Variants in PRKN observed in about 807,000 individuals in gnomAD.
The protein encoded by PRKN is parkin RBR E3 ubiquitin protein ligase, also known as E3 ubiquitin-protein ligase parkin.
Under a neutral mutation model 59.5 loss-of-function variants are expected in PRKN, and 56 were observed. The ratio of observed to expected loss-of-function variants is 0.94; its 90% CI spans 0.76 to 1.18. The LOEUF (loss-of-function observed/expected upper bound fraction) is 1.18. Ranked by LOEUF, PRKN falls within the 50% of genes most tolerant of loss-of-function variation. The pLI, the probability that PRKN is intolerant of heterozygous loss-of-function variation, is 0.00. For synonymous variants in PRKN, 250 were observed against 222.1 expected, an observed-to-expected ratio of 1.13 and a Z score of -1.12; for missense variants, 657 against 596.4, an observed-to-expected ratio of 1.10 and a Z score of -1.06.
chr6:161,688,567 G>T (rs1420826008), intron 7 of PRKN, among the ~76,000 whole-genome samples: 2 of 152,160 alleles, frequency 1.3e-5, no homozygotes, highest in Admixed American at 6.5e-5. Context: ...TTGTTTCCAT[G>T]GGACTTTTCT....
Position 161,361,308 on chromosome 6 carries a change from T to A in PRKN, c.1168-1103A>T, listed in dbSNP as rs553692097. ...TGCATTTAATAGTTTCTTTAGGAAT[T>A]AGTGTTCATGTTTCTGTTATTTCTG... On this transcript the variant is annotated intron_variant, in intron 10 of 11. Transcript: ENST00000366898. This position sits in a 1 kb window ranked among gnomAD's most constrained non-coding sequence, Gnocchi z 5.2. 6.6e-6 allele frequency among the ~76,000 whole-genome samples: 1 copy of A among 152,330 alleles called. No homozygotes were observed. The highest frequency in any genetic ancestry group is 1.9e-4 in the East Asian group (1 of 5,180).
At chr6:162,114,506 GCT>G (rs1780581681) in intron 4 of PRKN, among the ~76,000 whole-genome samples, 1 of 151,586 alleles carries the variant, frequency 6.6e-6, no homozygotes, top group Admixed American at 6.6e-5. Flanking sequence ...TCATGATTTG[GCT>G]CTCTGTTTGT....
intron 7 of PRKN, among the ~76,000 whole-genome samples, chr6:161,765,087 C>A (rs1789366342): frequency 6.6e-6 from 1 of 152,228 alleles, no homozygotes; most frequent in South Asian, 2.1e-4. Flanking sequence ...ACTTCAGCCT[C>A]ATTTCAGTCT....
At chr6:161,777,893 T>G (rs144173156) in intron 7 of PRKN, among the ~76,000 whole-genome samples, 5,086 of 123,504 alleles carry the variant, frequency 0.041, 379 homozygotes, top group African/African-American at 0.14. Context: ...TGTATATATA[T>G]GTATACATAT....
intron 1 of PRKN, among the ~76,000 whole-genome samples, chr6:162,635,600 T>C (rs937166341): frequency 3.3e-4 from 50 of 152,026 alleles, no homozygotes; most frequent in African/African-American, 1.2e-3. Flanking sequence ...TTTATTATAA[T>C]AATATTATTA....
intron 3 of PRKN, among the ~76,000 whole-genome samples, chr6:162,260,059 T>A (rs1020285236): frequency 2.0e-5 from 3 of 152,154 alleles, no homozygotes; most frequent in African/African-American, 7.2e-5. Flanking sequence ...CAACATATCT[T>A]TACAGAGGCC....
At position 161,475,777 on chromosome 6, in the gene PRKN, A is replaced by C. The variant is rs1004567910; in HGVS notation, c.1083+73077T>G. 6.6e-6 allele frequency among the ~76,000 whole-genome samples: 1 copy of C among 152,160 alleles called. No individual in the cohort carries two copies. The highest frequency in any genetic ancestry group is 2.4e-5 in the African/African-American group (1 of 41,444). On this transcript the variant is annotated intron_variant, in intron 9 of 11. Coordinates refer to ENST00000366898, the MANE Select transcript of PRKN (RefSeq NM_004562.3). This position sits in a 1 kb window ranked among gnomAD's most constrained non-coding sequence, Gnocchi z 5.3. ...GGCAAGGGCCACTGTTCCTGGCCTG[A>C]CTTGTTATTTAATTCATTCATAAAG...
intron 4 of PRKN, among the ~76,000 whole-genome samples, chr6:162,095,695 C>G (rs935967547): frequency 6.6e-6 from 1 of 152,086 alleles, no homozygotes; most frequent in Admixed American, 6.6e-5. Context: ...AGGAGGTATA[C>G]TGATGCAAAC....
chr6:161,509,848 C>A (rs983952721), intron 9 of PRKN, among the ~76,000 whole-genome samples: 3 of 138,540 alleles, frequency 2.2e-5, no homozygotes, highest in Non-Finnish European at 4.5e-5. Context: ...CCACTGTACT[C>A]CAGCCTGGGT....
rs574394516 is a variant in PRKN at position 161,533,056 on chromosome 6, G to A, written c.1083+15798C>T. On this transcript the variant is annotated intron_variant, in intron 9 of 11. Transcript: ENST00000366898. This position sits in a 1 kb window ranked among gnomAD's most constrained non-coding sequence, Gnocchi z 4.1. The stretch of plus-strand genomic sequence containing the variant: ...GCAAATTATGCAGCATAATAAAGAT[G>A]GGTGAGTATAAATATTCTATAGTGT... Among the ~76,000 whole-genome samples the A allele has an allele frequency of 6.6e-6, 1 of 152,196 alleles. No homozygotes were observed. Among genetic ancestry groups the A allele is most frequent in the South Asian group, 2.1e-4 (1 of 4,816 alleles).
At chr6:161,862,695 G>A (rs1222722891) in intron 6 of PRKN, among the ~76,000 whole-genome samples, 1 of 152,122 alleles carries the variant, frequency 6.6e-6, no homozygotes, top group Non-Finnish European at 1.5e-5. Flanking sequence ...CTACAAATGG[G>A]AGGTTTGTCC....
At chr6:162,597,576 TAC>T (rs948099903) in intron 1 of PRKN, among the ~76,000 whole-genome samples, 31 of 152,230 alleles carry the variant, frequency 2.0e-4, no homozygotes, top group Admixed American at 1.9e-3. Context: ...ATACAGTAAA[TAC>T]AGTTTTGTCT....
At chr6:162,492,417 T>C (rs1193803719) in intron 1 of PRKN, among the ~76,000 whole-genome samples, 5 of 152,174 alleles carry the variant, frequency 3.3e-5, no homozygotes, top group Non-Finnish European at 5.9e-5. Context: ...CCACCTCTCT[T>C]GTCTCACAGG....
intron 5 of PRKN, among the ~76,000 whole-genome samples, chr6:162,051,196 A>C (rs560009071): frequency 1.2e-4 from 18 of 152,256 alleles, no homozygotes; most frequent in African/African-American, 4.3e-4. Context: ...ACACTGCAGA[A>C]GGGATTTGTT....
chr6:162,495,737 T>C (rs1793037474), intron 1 of PRKN, among the ~76,000 whole-genome samples: 1 of 152,296 alleles, frequency 6.6e-6, no homozygotes, highest in South Asian at 2.1e-4. Flanking sequence ...CATCTTTCCC[T>C]GATGGCACTC....
chr6:161,768,330 G>A (rs546106545), intron 7 of PRKN, among the ~76,000 whole-genome samples: 1 of 152,108 alleles, frequency 6.6e-6, no homozygotes. Flanking sequence ...AATTACATGC[G>A]TGTGTACATT....
chr6:161,675,214 C>T (rs1408977013), intron 7 of PRKN, among the ~76,000 whole-genome samples: 2 of 152,108 alleles, frequency 1.3e-5, no homozygotes, highest in Non-Finnish European at 2.9e-5. Context: ...ACCCAACTCC[C>T]CAGTATTTGG....
At chr6:162,616,149 T>C (rs189360983) in intron 1 of PRKN, among the ~76,000 whole-genome samples, 2 of 152,310 alleles carry the variant, frequency 1.3e-5, no homozygotes, top group Admixed American at 1.3e-4. Flanking sequence ...GGTTTCCCTC[T>C]TTTATTTAAG....
intron 7 of PRKN, among the ~76,000 whole-genome samples, chr6:161,600,487 A>C (rs1343712973): frequency 6.6e-6 from 1 of 152,154 alleles, no homozygotes; most frequent in African/African-American, 2.4e-5. Flanking sequence ...TAGGTAAGAG[A>C]TAATTTGGGC....
Sources: gnomAD v4.1 joint callset for allele counts (sites outside exome capture counted in the v4.1 genomes callset) on GRCh38, gnomAD v4.1.1 for gene constraint, Gnocchi (gnomAD v3.1) non-coding constraint, MANE v1.5 for transcripts, NCBI Gene and HGNC (gene_info 2026-07-23, HGNC 2026-07-21) for gene names.